CAST: variants seen among roughly 807,000 people sequenced by gnomAD.
The protein encoded by CAST is MIR583 host.
CAST carries 76 observed loss-of-function variants against 119.6 expected under a neutral mutation model. The ratio of observed to expected loss-of-function variants is 0.64; its 90% CI spans 0.53 to 0.77. The LOEUF (loss-of-function observed/expected upper bound fraction) is 0.77. Ranked by LOEUF, CAST falls within the 30% of genes least tolerant of loss-of-function variation. CAST has a pLI of 0.00. For synonymous variants in CAST, 319 were observed against 331.6 expected (o/e 0.96, Z 0.41); for missense variants, 953 against 946.5 (o/e 1.01, Z -0.09).
At chr5:96,495,261 T>G in the CAST span, among the ~76,000 whole-genome samples, 96 of 151,998 alleles carry the variant, frequency 6.3e-4, no homozygotes, top group African/African-American at 1.7e-3. Flanking sequence ...TTGTTTTTTG[T>G]TTTTTTTACT....
the CAST span, among the ~76,000 whole-genome samples, chr5:96,484,511 A>G: frequency 6.6e-6 from 1 of 152,188 alleles, no homozygotes; most frequent in Non-Finnish European, 1.5e-5. Context: ...TCAATCTGGA[A>G]CAGATGGTAA....
chr5:96,711,170 A>G (rs918872337), intron 3 of CAST, among the ~76,000 whole-genome samples: 13 of 152,334 alleles, frequency 8.5e-5, no homozygotes, highest in Admixed American at 2.0e-4. Flanking sequence ...TCTTTGTGAA[A>G]TACCACTTGA....
chr5:96,693,626 A>G (rs1474400300), intron 2 of CAST, among the ~76,000 whole-genome samples: 1 of 152,222 alleles, frequency 6.6e-6, no homozygotes, highest in Non-Finnish European at 1.5e-5. Flanking sequence ...ATAGGTAATG[A>G]AGTTGAAATG....
chr5:96,234,450 A>C, the CAST span, among the ~76,000 whole-genome samples: 1 of 152,192 alleles, frequency 6.6e-6, no homozygotes, highest in Admixed American at 6.5e-5. Flanking sequence ...CGACATATAC[A>C]CAAACCATAC....
At chr5:96,534,757 G>A (rs201302161) in intron 1 of CAST, among the ~76,000 whole-genome samples, 3 of 70,472 alleles carry the variant, frequency 4.3e-5, no homozygotes, top group African/African-American at 1.7e-4. Context: ...AAGAAAGAAA[G>A]AAAGAAAGAA....
In CAST at chr5:96,652,792, C is replaced by T. The variant is rs185976118; in HGVS notation, c.61-22747C>T. On this transcript the variant is annotated intron_variant, in intron 1 of 11. Transcript: ENST00000505143. The stretch of plus-strand genomic sequence containing the variant: ...ATCCCAGGAAAAACAGAGCTCATGA[C>T]AGAAATTGGTGGTCACAGGGACTCC... Among the ~76,000 whole-genome samples the T allele has an allele frequency of 3.6e-3, 544 of 152,310 alleles. 10 individuals are homozygous for T. Among genetic ancestry groups the T allele is most frequent in the South Asian group, 0.024 (118 of 4,822 alleles).
chr5:96,715,062 C>T (rs923351076), intron 3 of CAST: 2 of 152,138 alleles, frequency 1.3e-5, no homozygotes, highest in Non-Finnish European at 2.9e-5. Context: ...TATTTCGAGG[C>T]CTACCCACAT....
chr5:96,107,287 G>T, the CAST span, among the ~76,000 whole-genome samples: 1 of 151,572 alleles, frequency 6.6e-6, no homozygotes, highest in Admixed American at 6.6e-5. Flanking sequence ...TGGTTATTTT[G>T]CTCATTAGTT....
chr5:96,421,888 G>A, the CAST span: 17,146 of 1,532,440 alleles, frequency 0.011, 795 homozygotes, highest in African/African-American at 0.14. Context: ...ACTTGTTCTC[G>A]TTTGTGGGAT....
At chr5:96,741,383 G>C (rs376387379) in intron 14 of CAST, 25 bp downstream of exon 14, 44 of 1,552,828 alleles carry the variant, frequency 2.8e-5, no homozygotes, top group Non-Finnish European at 3.8e-5. Context: ...GTTGTTAAGG[G>C]AAACTTGTTA....
At chr5:96,030,528 C>G in the CAST span, among the ~76,000 whole-genome samples, 1 of 152,118 alleles carries the variant, frequency 6.6e-6, no homozygotes, top group African/African-American at 2.4e-5. Flanking sequence ...TCATGAAAAG[C>G]TGGGAGTTAG....
At chr5:96,022,400 C>T in the CAST span, among the ~76,000 whole-genome samples, 1 of 152,124 alleles carries the variant, frequency 6.6e-6, no homozygotes, top group African/African-American at 2.4e-5. Flanking sequence ...TACCGTACAA[C>T]AAAGTATTTA....
At chr5:96,069,005 A>G in the CAST span, among the ~76,000 whole-genome samples, 1 of 151,160 alleles carries the variant, frequency 6.6e-6, no homozygotes, top group African/African-American at 2.4e-5. Context: ...ATATGTATAT[A>G]TGTGCATGTG....
the CAST span, among the ~76,000 whole-genome samples, chr5:96,120,686 T>A: frequency 6.8e-6 from 1 of 147,882 alleles, no homozygotes; most frequent in Middle Eastern, 3.6e-3. Flanking sequence ...TACATATAAA[T>A]AATATATATT....
Position 96,691,019 on chromosome 5 carries a change from C to G in CAST, c.139-4817C>G, listed in dbSNP as rs566432072. ...TTGTGGAAATGCCAGAGTGTACTTACACAAACCTAGATGGTAGATACAGCT... is the reference window on the plus strand; with the variant it reads ...TTGTGGAAATGCCAGAGTGTACTTAGACAAACCTAGATGGTAGATACAGCT... On this transcript the variant is annotated intron_variant, in intron 2 of 31. Transcript: ENST00000675179. Among the ~76,000 whole-genome samples, 4 of 152,304 alleles carry G rather than the reference C, an allele frequency of 2.6e-5. No individual in the cohort carries two copies. The South Asian group carries it at 8.3e-4, about 32-fold the overall frequency.
chr5:96,244,118 C>T, the CAST span, among the ~76,000 whole-genome samples: 1 of 152,168 alleles, frequency 6.6e-6, no homozygotes, highest in Non-Finnish European at 1.5e-5. Flanking sequence ...CTACCTTGAT[C>T]CCCAGGGCAG....
At chr5:96,397,331 C>T in the CAST span, 3 of 1,612,700 alleles carry the variant, frequency 1.9e-6, no homozygotes, top group Non-Finnish European at 2.5e-6. Flanking sequence ...CTCATTCACA[C>T]TTACCATGTC....
chr5:96,662,577 G>T (rs1358916463), intron 1 of CAST, 80 bp downstream of exon 1: 2 of 1,302,946 alleles, frequency 1.5e-6, no homozygotes, highest in Non-Finnish European at 9.7e-7. Context: ...CTCCCTGGGC[G>T]TTGCCAGGCT....
chr5:96,140,728 G>A, the CAST span, among the ~76,000 whole-genome samples: 2 of 152,190 alleles, frequency 1.3e-5, no homozygotes, highest in Non-Finnish European at 2.9e-5. Flanking sequence ...AGCACTTCAT[G>A]CATTATCTGT....
Sources: allele counts gnomAD v4.1 joint callset (sites outside exome capture counted in the v4.1 genomes callset), GRCh38; gene constraint gnomAD v4.1.1; transcripts MANE v1.5; gene names NCBI Gene and HGNC (gene_info 2026-07-23, HGNC 2026-07-21).